Variants in RIF1 observed in about 807,000 individuals in gnomAD.
RIF1 encodes the protein telomere-associated protein RIF1.
RIF1 carries 45 observed loss-of-function variants against 247.1 expected under a neutral mutation model. The observed-to-expected ratio is 0.18, with a 90% CI of 0.14 to 0.23. The LOEUF (loss-of-function observed/expected upper bound fraction) is 0.23, where lower values mean the gene tolerates loss of function less well. Among genes scored for constraint, RIF1 ranks in the 10% least tolerant of loss-of-function variants. The pLI is 1.00. For missense variants in RIF1, 2,967 were observed against 2,862.5 expected (o/e 1.04, Z -0.83); for synonymous variants, 1,087 against 978.8 (o/e 1.11, Z -2.06).
chr2:151,424,881 T>G (rs999147699), intron 8 of RIF1, among the ~76,000 whole-genome samples: 2 of 142,596 alleles, frequency 1.4e-5, no homozygotes, highest in Non-Finnish European at 3.0e-5. Context: ...GAGACTGGGT[T>G]TTGCCGTGCT....
chr2:151,419,883 A>G (rs1205864419), intron 6 of RIF1, among the ~76,000 whole-genome samples: 2 of 152,148 alleles, frequency 1.3e-5, no homozygotes, highest in Non-Finnish European at 1.5e-5. Flanking sequence ...GTGAATGACA[A>G]TACTGTCCTT....
chr2:151,430,771 GC>G (rs35400025), intron 9 of RIF1, among the ~76,000 whole-genome samples: 97,681 of 150,206 alleles, frequency 0.65, 32,013 homozygotes, highest in East Asian at 0.77. Context: ...TCCCACCTCA[GC>G]CCCCCCAAGT....
chr2:151,414,116 C>T (rs1177798853), intron 3 of RIF1, among the ~76,000 whole-genome samples: 1 of 152,024 alleles, frequency 6.6e-6, no homozygotes, highest in Non-Finnish European at 1.5e-5. Flanking sequence ...AGTTTGAGAC[C>T]AGCCTGGCCA....
At chr2:151,486,050 A>T (rs2050053098), downstream of RIF1, 1 of 1,060,310 alleles carries the variant, frequency 9.4e-7, no homozygotes, top group South Asian at 1.5e-5. Context: ...AACAAAAGAG[A>T]ATGTGCAAGC....
At chr2:151,466,996 G>A (rs571514778) in intron 30 of RIF1, among the ~76,000 whole-genome samples, 7 of 152,158 alleles carry the variant, frequency 4.6e-5, no homozygotes, top group Non-Finnish European at 7.3e-5. Context: ...GGGAGGCCAA[G>A]GCAGGTGGAT....
At chr2:151,518,304 C>T in the RIF1 span, 1 of 1,560,888 alleles carries the variant, frequency 6.4e-7, no homozygotes, top group Non-Finnish European at 8.8e-7. Flanking sequence ...AAAAATCGGT[C>T]TTGATCCACT....
intron 16 of RIF1, 75 bp from the exon 17 acceptor site, chr2:151,443,184 C>A (rs1298914369): frequency 3.2e-6 from 3 of 946,484 alleles, no homozygotes; most frequent in Non-Finnish European, 4.9e-6. Flanking sequence ...AATTTTATTT[C>A]TTAAATAACC....
chr2:151,492,560 C>T lies in RIF1; in HGVS notation c.*416-2669C>T, dbSNP rs577919574. On this transcript the variant is annotated intron_variant and NMD_transcript_variant, in intron 9 of 13. Coordinates refer to the RIF1 transcript ENST00000454583. Reference sequence around the variant, plus strand: ...ATCTGAAACCTCAAAGCCTTTCCAGCAGATAGAGATGGATAGGAGCTGGTG... The same window carrying T: ...ATCTGAAACCTCAAAGCCTTTCCAGTAGATAGAGATGGATAGGAGCTGGTG... 157 of 1,236,206 alleles carry T rather than the reference C, an allele frequency of 1.3e-4. 2 individuals carry two copies. The South Asian group carries it at 2.0e-3, about 16-fold the overall frequency. The allele number at this position is 1,236,206 out of a possible 1,614,324, so 76.6% of individuals were successfully genotyped here. A position where few individuals can be genotyped will look rare whatever the true frequency, so the allele number is the denominator to read the frequency against.
At chr2:151,525,146 T>C in the RIF1 span, 13 of 1,579,870 alleles carry the variant, frequency 8.2e-6, no homozygotes, top group Non-Finnish European at 1.1e-5. Context: ...CCAAGAGTGT[T>C]GAGAGGGAAA....
chr2:151,458,792 T>G lies in RIF1; in HGVS notation c.2856-19T>G, dbSNP rs770231523. On this transcript the variant is annotated intron_variant, in intron 24 of 35. Coordinates refer to ENST00000444746, the MANE Select transcript of RIF1 (RefSeq NM_018151.5). ...GTACTACTTGACTTAAGGTATATAT[T>G]TTATGTACTTTTTTAAAGACCAGTA... is the stretch of plus-strand genomic sequence containing the variant. 5.4e-6 allele frequency: 8 copies of G among 1,485,034 alleles called. No homozygotes were observed. The highest frequency in any genetic ancestry group is 1.7e-4 in the Middle Eastern group (1 of 5,738). 92.0% of individuals were successfully genotyped at this position (1,485,034 alleles called of 1,614,324 possible).
At chr2:151,531,741 T>C in the RIF1 span, 20 of 1,372,158 alleles carry the variant, frequency 1.5e-5, no homozygotes, top group Non-Finnish European at 2.0e-5. Context: ...CCCTCCATGT[T>C]TGCAGATGCC....
chr2:151,437,035 AC>A, intron 12 of RIF1, 32 bp downstream of exon 12: 1 of 1,568,412 alleles, frequency 6.4e-7, no homozygotes, highest in Non-Finnish European at 8.7e-7. Context: ...AATTTTAATT[AC>A]TAAAACAGTC....
intron 23 of RIF1, among the ~76,000 whole-genome samples, 196 bp from the exon 24 acceptor site, chr2:151,457,565 C>T (rs962283520): frequency 6.6e-6 from 1 of 150,470 alleles, no homozygotes; most frequent in Non-Finnish European, 1.5e-5. Flanking sequence ...AAAATAAGTT[C>T]AAAATTGAAC....
At chr2:151,523,704 G>C in the RIF1 span, among the ~76,000 whole-genome samples, 1 of 152,118 alleles carries the variant, frequency 6.6e-6, no homozygotes, top group Non-Finnish European at 1.5e-5. Flanking sequence ...ACATTTCTGA[G>C]TCCATTTGCT....
chr2:151,512,852 C>T (rs370467068), downstream of RIF1: 177 of 1,552,034 alleles, frequency 1.1e-4, no homozygotes, highest in East Asian at 9.9e-4. Flanking sequence ...AAAACAACAC[C>T]GAATAGTTGG....
Position 151,475,232 on chromosome 2 carries a change from T to C in RIF1, c.*161T>C, listed in dbSNP as rs947018747. ...AGTGACTTATTATGTAAGTTCAATT[T>C]TGTAAGTTCATTATGTAAGATCCTT... On this transcript the variant is annotated 3_prime_UTR_variant, in exon 36 of 36. Transcript: ENST00000444746. 13 of 605,866 alleles carry C rather than the reference T, an allele frequency of 2.1e-5. No individual in the cohort carries two copies. Among genetic ancestry groups the C allele is most frequent in the Middle Eastern group, 4.4e-4 (1 of 2,280 alleles). The allele number at this position is 605,866 out of a possible 1,614,324, so 37.5% of individuals were successfully genotyped here.
In RIF1 at chr2:151,465,650, A is replaced by C. The variant is rs148595383; in HGVS notation, c.6130A>C (p.Ile2044Leu). Residue 2044 changes from isoleucine (I) to leucine (L), a missense_variant, in exon 30 of 36, where the codon ATA becomes CTA. Ile to Leu is a conservative substitution (Grantham distance 5). Coordinates refer to ENST00000444746, the MANE Select transcript of RIF1 (RefSeq NM_018151.5). ...GHDGETENEG[I>L]TTKTSKPDEA... Reference sequence around the variant, plus strand: ...TGATGGTGAAACAGAGAATGAGGGCATAACTACCAAAACCTCAAAGCCTGA... The same window carrying C: ...TGATGGTGAAACAGAGAATGAGGGCCTAACTACCAAAACCTCAAAGCCTGA... 2 of 1,614,178 alleles carry C rather than the reference A, an allele frequency of 1.2e-6. No individual in the cohort carries two copies. The highest frequency in any genetic ancestry group is 1.7e-5 in the Admixed American group (1 of 60,012).
intron 20 of RIF1, among the ~76,000 whole-genome samples, chr2:151,447,135 G>C (rs1184775226): frequency 6.6e-6 from 1 of 151,642 alleles, no homozygotes; most frequent in Non-Finnish European, 1.5e-5. Flanking sequence ...AGTAGAGACG[G>C]GGTTTCACCG....
chr2:151,440,870 GC>G (rs1302451945), intron 15 of RIF1, among the ~76,000 whole-genome samples: 9 of 152,188 alleles, frequency 5.9e-5, no homozygotes, highest in Admixed American at 5.2e-4. Context: ...AGTACTATGG[GC>G]CAGGAACAAA....
Sources: gnomAD v4.1 joint callset for allele counts (sites outside exome capture counted in the v4.1 genomes callset) on GRCh38, gnomAD v4.1.1 for gene constraint, MANE v1.5 for transcripts, NCBI Gene and HGNC (gene_info 2026-07-23, HGNC 2026-07-21) for gene names.